The following KDM2A variants were observed in gnomAD, a reference collection of about 807,000 sequenced individuals.
The protein encoded by KDM2A is lysine demethylase 2A.
In KDM2A, 3 loss-of-function variants were observed where a neutral mutation model predicts 137.3. The observed-to-expected ratio is 0.02, with a 90% confidence interval of 0.01 to 0.06. The LOEUF (loss-of-function observed/expected upper bound fraction) is 0.06, where lower values mean the gene tolerates loss of function less well. KDM2A is among the 10% of genes least tolerant of loss of function. The pLI, the probability that KDM2A is intolerant of heterozygous loss-of-function variation, is 1.00. For synonymous variants in KDM2A, 512 were observed against 541.5 expected, an observed-to-expected ratio of 0.95 and a Z score of 0.76; for missense variants, 738 against 1,510.6, an observed-to-expected ratio of 0.49 and a Z score of 8.48.
Position 67,248,352 on chromosome 11 carries a change from C to T in KDM2A, c.2037C>T (p.Asp679=). 6.2e-7 allele frequency: 1 copy of T among 1,603,818 alleles called. No individual in the cohort carries two copies. The change falls in exon 16 of 21, where the codon GAC becomes GAT. Residue 679 remains aspartate (D), a synonymous_variant. Coordinates refer to ENST00000529006, the MANE Select transcript of KDM2A (RefSeq NM_012308.3). ...AATGTCCAAAGTGCTACCAGGAGGA[C>T]AGCTCGGAGAAAGCCCAGGTAAAGG... ...CWECPKCYQE[D]SSEKAQKRKM... is the part of the protein sequence containing the mutation.
chr11:67,132,369 C>T (rs1034710854), intron 2 of KDM2A, among the ~76,000 whole-genome samples: 13 of 152,176 alleles, frequency 8.5e-5, no homozygotes, highest in Non-Finnish European at 1.2e-4. Context: ...CTGTAACCTA[C>T]GCTTCCTGGG....
Position 67,254,166 on chromosome 11 carries a change from G to T in KDM2A, c.3092-37G>T. ...AGCCTTGAAGCTGGATTAGAGAATT[G>T]AGAGTTTTGATCTAGGCTCTTCTCT... On this transcript the variant is annotated intron_variant, in intron 19 of 20. Coordinates refer to ENST00000529006, the MANE Select transcript of KDM2A (RefSeq NM_012308.3). This position sits in a 1 kb window ranked among gnomAD's most constrained non-coding sequence, Gnocchi z 4.7. 1 of 1,572,246 alleles carries T rather than the reference G, an allele frequency of 6.4e-7. No homozygotes were observed.
chr11:67,203,945 C>T (rs1358742151), intron 5 of KDM2A, among the ~76,000 whole-genome samples: 3 of 151,818 alleles, frequency 2.0e-5, no homozygotes, highest in Admixed American at 6.6e-5. Flanking sequence ...GGACTATGGC[C>T]GCGTACCACC....
At position 67,119,415 on chromosome 11, in the gene KDM2A, C is replaced by T; in HGVS notation, c.-718C>T. Reference sequence around the variant, plus strand: ...TGGGCCCGTGGCCGCTCTGTCTTTCCTGGGCAGGGGACGCTCCGGGAGGAG... The same window carrying T: ...TGGGCCCGTGGCCGCTCTGTCTTTCTTGGGCAGGGGACGCTCCGGGAGGAG... On this transcript the variant is annotated 5_prime_UTR_variant, in exon 1 of 21. Coordinates refer to ENST00000529006, the MANE Select transcript of KDM2A (RefSeq NM_012308.3). The T allele has an allele frequency of 6.4e-6, 1 of 156,524 alleles. No individual in the cohort carries two copies. The highest frequency in any genetic ancestry group is 1.4e-5 in the Non-Finnish European group (1 of 70,844). 9.7% of individuals were successfully genotyped at this position (156,524 alleles called of 1,614,324 possible). A position where few individuals can be genotyped will look rare whatever the true frequency, so the allele number is the denominator to read the frequency against.
At chr11:67,139,585 C>G (rs1331608160) in intron 2 of KDM2A, among the ~76,000 whole-genome samples, 2 of 151,954 alleles carry the variant, frequency 1.3e-5, no homozygotes, top group Non-Finnish European at 2.9e-5. Context: ...ACGTTGGTTG[C>G]CCAGGCTGGT....
intron 5 of KDM2A, among the ~76,000 whole-genome samples, chr11:67,198,926 G>C (rs1403397110): frequency 1.3e-5 from 2 of 151,806 alleles, no homozygotes; most frequent in East Asian, 3.9e-4. Flanking sequence ...TTACTGACAT[G>C]CACCACCATG....
chr11:67,120,407 C>T (rs893359127), intron 1 of KDM2A, among the ~76,000 whole-genome samples: 7 of 152,218 alleles, frequency 4.6e-5, no homozygotes, highest in African/African-American at 1.7e-4. Context: ...CGGGGGGAAC[C>T]TGTGTTCTCA....
At chr11:67,231,529 G>A in intron 11 of KDM2A, 37 bp from the exon 12 acceptor site, 1 of 1,526,518 alleles carries the variant, frequency 6.6e-7, no homozygotes, top group Non-Finnish European at 8.8e-7. Context: ...ATGGCAGAGT[G>A]AAATGTTCTT....
At chr11:67,204,520 C>T (rs778119053) in intron 5 of KDM2A, among the ~76,000 whole-genome samples, 10 of 146,500 alleles carry the variant, frequency 6.8e-5, no homozygotes, top group Non-Finnish European at 1.5e-4. Flanking sequence ...GAGACAGAGT[C>T]TCACTGTGTT....
chr11:67,129,733 CAAAAAAAAAAA>C (rs200961023), intron 2 of KDM2A, among the ~76,000 whole-genome samples: 1 of 56,500 alleles, frequency 1.8e-5, no homozygotes, highest in Non-Finnish European at 3.9e-5. Context: ...GACTCCATCT[CAAAAAAAAAAA>C]AAAAAAGAAA....
At chr11:67,154,185 G>T (rs1856464807) in intron 2 of KDM2A, among the ~76,000 whole-genome samples, 1 of 152,162 alleles carries the variant, frequency 6.6e-6, no homozygotes, top group African/African-American at 2.4e-5. Context: ...GAATAGAGGT[G>T]AACTACAACC....
chr11:67,122,138 A>G (rs528408707), intron 2 of KDM2A, among the ~76,000 whole-genome samples: 18 of 152,304 alleles, frequency 1.2e-4, no homozygotes, highest in African/African-American at 3.8e-4. Context: ...AGAGTGGGCT[A>G]TGAGGAAAGC....
At chr11:67,224,761 C>T (rs7113390) in intron 10 of KDM2A, among the ~76,000 whole-genome samples, 108,340 of 150,488 alleles carry the variant, frequency 0.72, 44,679 homozygotes, top group South Asian at 0.93. Flanking sequence ...CTATCTTGTC[C>T]GGCCAAAATT....
intron 2 of KDM2A, among the ~76,000 whole-genome samples, chr11:67,163,060 A>G (rs1383581748): frequency 1.3e-5 from 2 of 152,158 alleles, no homozygotes; most frequent in African/African-American, 2.4e-5. Flanking sequence ...TACTTTTGTT[A>G]GTTACTTCTC....
intron 2 of KDM2A, among the ~76,000 whole-genome samples, chr11:67,175,561 A>G (rs1357891582): frequency 6.6e-6 from 1 of 152,184 alleles, no homozygotes; most frequent in African/African-American, 2.4e-5. Context: ...TGGCTTGGAG[A>G]CAGAAGCCTT....
chr11:67,130,605 T>C (rs189074417), intron 2 of KDM2A, among the ~76,000 whole-genome samples: 1 of 152,346 alleles, frequency 6.6e-6, no homozygotes, highest in Admixed American at 6.5e-5. Flanking sequence ...GTATATCATG[T>C]AGATAGACAT....
At chr11:67,187,260 TATAGAAGTCA>T (rs1435104551) in intron 5 of KDM2A, among the ~76,000 whole-genome samples, 1 of 152,150 alleles carries the variant, frequency 6.6e-6, no homozygotes, top group African/African-American at 2.4e-5. Flanking sequence ...GCTATAAGGA[TATAGAAGTCA>T]AATACCAAAA....
intron 2 of KDM2A, among the ~76,000 whole-genome samples, chr11:67,166,014 G>C (rs1335731274): frequency 6.6e-6 from 1 of 152,040 alleles, no homozygotes; most frequent in Non-Finnish European, 1.5e-5. Context: ...ATTATAAAAG[G>C]TGGTGAAGAA....
intron 2 of KDM2A, among the ~76,000 whole-genome samples, chr11:67,168,777 T>G (rs1856811138): frequency 6.6e-6 from 1 of 152,034 alleles, no homozygotes; most frequent in Non-Finnish European, 1.5e-5. Flanking sequence ...AGCAACAGCG[T>G]TTTAAAGTTC....
Sources: gnomAD v4.1 joint callset for allele counts (sites outside exome capture counted in the v4.1 genomes callset) on GRCh38, gnomAD v4.1.1 for gene constraint, Gnocchi (gnomAD v3.1) non-coding constraint, MANE v1.5 for transcripts, NCBI Gene and HGNC (gene_info 2026-07-23, HGNC 2026-07-21) for gene names.